The following GALNTL5 variants were observed in gnomAD, a reference collection of about 807,000 sequenced individuals.
GALNTL5 encodes the protein inactive polypeptide N-acetylgalactosaminyltransferase-like protein 5.
Under a neutral mutation model 51.0 loss-of-function variants are expected in GALNTL5, and 44 were observed. The observed-to-expected ratio is 0.86, with a 90% CI of 0.68 to 1.11. The LOEUF (loss-of-function observed/expected upper bound fraction) is 1.11, where lower values mean the gene tolerates loss of function less well. Ranked by LOEUF, GALNTL5 falls within the 50% of genes least tolerant of loss-of-function variation. The pLI is 0.00. For missense variants in GALNTL5, 528 were observed against 531.8 expected (o/e 0.99, Z 0.07); for synonymous variants, 192 against 182.8 (o/e 1.05, Z -0.41).
intron 7 of GALNTL5, among the ~76,000 whole-genome samples, chr7:152,011,137 C>T (rs1350635398): frequency 6.6e-6 from 1 of 152,220 alleles, no homozygotes; most frequent in Non-Finnish European, 1.5e-5. Flanking sequence ...CTTCCTGCCT[C>T]ATGCTGTCTA....
At chr7:151,972,760 G>A (rs577294934) in intron 3 of GALNTL5, among the ~76,000 whole-genome samples, 1 of 152,306 alleles carries the variant, frequency 6.6e-6, no homozygotes, top group Non-Finnish European at 1.5e-5. Flanking sequence ...TTGAGCTTTG[G>A]GAGCCTCCAC....
At chr7:151,973,465 C>CA (rs59709572) in intron 3 of GALNTL5, among the ~76,000 whole-genome samples, 78 of 144,534 alleles carry the variant, frequency 5.4e-4, no homozygotes, top group East Asian at 1.4e-3. Context: ...CTCCGTCTTA[C>CA]AAAAAAAAAA....
intron 7 of GALNTL5, among the ~76,000 whole-genome samples, chr7:152,013,489 G>A (rs1007662419): frequency 1.3e-5 from 2 of 152,146 alleles, no homozygotes; most frequent in Non-Finnish European, 2.9e-5. Flanking sequence ...ATAATCCATT[G>A]TATCGCTAAA....
At chr7:151,960,065 C>T (rs906199346) in intron 1 of GALNTL5, 4 of 152,196 alleles carry the variant, frequency 2.6e-5, no homozygotes, top group South Asian at 2.1e-4. Flanking sequence ...CAGCTCTCCC[C>T]GCCCTTCGGT....
At chr7:151,980,736 GATTTTTTT>G (rs2081268418) in intron 3 of GALNTL5, among the ~76,000 whole-genome samples, 1 of 86,588 alleles carries the variant, frequency 1.2e-5, no homozygotes, top group Non-Finnish European at 2.2e-5. Context: ...TGCTAACAAT[GATTTTTTT>G]TTTTTTTTTT....
chr7:151,969,898 C>T (rs2081108809), intron 2 of GALNTL5, among the ~76,000 whole-genome samples: 1 of 152,092 alleles, frequency 6.6e-6, no homozygotes, highest in South Asian at 2.1e-4. Context: ...GCTCCGCCTC[C>T]GGGGTTCACG....
intron 5 of GALNTL5, among the ~76,000 whole-genome samples, chr7:151,997,407 A>G (rs2081513690): frequency 1.3e-5 from 2 of 152,230 alleles, no homozygotes; most frequent in African/African-American, 2.4e-5. Flanking sequence ...GGTTTCCACA[A>G]AATATTCCTG....
At chr7:151,979,263 C>A (rs1244888972) in intron 3 of GALNTL5, among the ~76,000 whole-genome samples, 1 of 139,496 alleles carries the variant, frequency 7.2e-6, no homozygotes, top group Non-Finnish European at 1.5e-5. Flanking sequence ...GTGCCCGCCA[C>A]CACGCCCAGC....
At position 152,014,841 on chromosome 7, in the gene GALNTL5, G is replaced by A. The variant is rs1325325212; in HGVS notation, c.1176+48G>A. 3.3e-6 allele frequency: 5 copies of A among 1,534,074 alleles called. No individual in the cohort carries two copies. The South Asian group carries it at 6.4e-5, about 20-fold the overall frequency. ...GGAAAATGTATGCGAGGCCGGAGCA[G>A]GACTTGTTCTGAGGAAGCCTGCTGC... On this transcript the variant is annotated intron_variant, in intron 8 of 8. Transcript: ENST00000392800.
chr7:151,978,232 A>AG (rs1419590764), intron 3 of GALNTL5, among the ~76,000 whole-genome samples: 1 of 152,176 alleles, frequency 6.6e-6, no homozygotes, highest in African/African-American at 2.4e-5. Flanking sequence ...TTTCTATATA[A>AG]TTTACAATTT....
chr7:152,006,722 A>G (rs1003917652), intron 6 of GALNTL5, among the ~76,000 whole-genome samples: 4 of 152,140 alleles, frequency 2.6e-5, no homozygotes, highest in African/African-American at 9.7e-5. Context: ...TAGGTGCTCA[A>G]TAAATACTTA....
intron 1 of GALNTL5, among the ~76,000 whole-genome samples, chr7:151,959,723 T>C (rs1165771571): frequency 6.6e-6 from 1 of 152,182 alleles, no homozygotes; most frequent in Non-Finnish European, 1.5e-5. Flanking sequence ...AGGGTAGCAG[T>C]TTCCCACACA....
chr7:151,984,142 A>T (rs112183488), intron 4 of GALNTL5: 1 of 152,252 alleles, frequency 6.6e-6, no homozygotes, highest in South Asian at 2.1e-4. Context: ...GGCTTAATGC[A>T]GGAAAATGAG....
chr7:151,997,653 A>G (rs926208434), intron 5 of GALNTL5, among the ~76,000 whole-genome samples: 1 of 152,208 alleles, frequency 6.6e-6, no homozygotes, highest in Non-Finnish European at 1.5e-5. Flanking sequence ...TATTGCATTT[A>G]TGGTCTTTCT....
intron 1 of GALNTL5, among the ~76,000 whole-genome samples, chr7:151,962,426 A>ATTTTTTTTTTTTTTTTTTTTTTT (rs762885233): frequency 2.9e-5 from 1 of 33,950 alleles, no homozygotes. Context: ...AGTCTGTGTG[A>ATTTTTTTTTTTTTTTTTTTTTTT]TTTTTTTTTC....
intron 2 of GALNTL5, chr7:151,970,704 G>T: frequency 3.4e-6 from 1 of 293,960 alleles, no homozygotes; most frequent in Non-Finnish European, 6.5e-6. Context: ...GCAGAACTGT[G>T]AGCCAAATAA....
intron 7 of GALNTL5, among the ~76,000 whole-genome samples, chr7:152,010,714 GC>G (rs2081722350): frequency 6.6e-6 from 1 of 151,832 alleles, no homozygotes; most frequent in African/African-American, 2.4e-5. Context: ...GTTACAGTGA[GC>G]CGAGATCGTG....
intron 3 of GALNTL5, among the ~76,000 whole-genome samples, chr7:151,981,209 G>A (rs953507693): frequency 1.2e-4 from 19 of 152,156 alleles, no homozygotes; most frequent in African/African-American, 4.3e-4. Flanking sequence ...TATAAGAAAT[G>A]CTGATGTCAA....
At chr7:151,986,531 A>G (rs1400876738) in intron 4 of GALNTL5, among the ~76,000 whole-genome samples, 1 of 152,000 alleles carries the variant, frequency 6.6e-6, no homozygotes, top group Non-Finnish European at 1.5e-5. Flanking sequence ...GCTACTCAGG[A>G]CATTGAGGCA....
Sources: allele counts gnomAD v4.1 joint callset (sites outside exome capture counted in the v4.1 genomes callset), GRCh38; gene constraint gnomAD v4.1.1; transcripts MANE v1.5; gene names NCBI Gene and HGNC (gene_info 2026-07-23, HGNC 2026-07-21).